Variants in OSMR observed in about 807,000 individuals in gnomAD.
OSMR encodes oncostatin M receptor.
A neutral mutation model predicts 99.9 loss-of-function variants in OSMR; 81 were observed. The observed-to-expected ratio is 0.81, with a 90% CI of 0.68 to 0.97. The LOEUF is 0.97. OSMR is among the 50% of genes least tolerant of loss of function. The pLI is 0.00. For synonymous variants in OSMR, 406 were observed against 410.4 expected, an observed-to-expected ratio of 0.99 and a Z score of 0.13; for missense variants, 1,099 against 1,153.4, an observed-to-expected ratio of 0.95 and a Z score of 0.68.
intron 9 of OSMR, among the ~76,000 whole-genome samples, chr5:38,907,152 A>G (rs1254893528): frequency 6.6e-6 from 1 of 152,200 alleles, no homozygotes; most frequent in Non-Finnish European, 1.5e-5. Context: ...TTAAGAGTGG[A>G]CACAGGGAGA....
chr5:38,906,646 G>T (rs1229785078), intron 9 of OSMR, among the ~76,000 whole-genome samples: 1 of 152,094 alleles, frequency 6.6e-6, no homozygotes, highest in Admixed American at 6.5e-5. Flanking sequence ...TTAGCAAATT[G>T]AAATCTGCTT....
intron 1 of OSMR, among the ~76,000 whole-genome samples, chr5:38,865,954 G>A (rs1741904271): frequency 6.6e-6 from 1 of 152,198 alleles, no homozygotes; most frequent in African/African-American, 2.4e-5. Flanking sequence ...GGTTCTGGTG[G>A]CAGTGATGAT....
chr5:38,854,812 G>A (rs1740715332), intron 1 of OSMR, among the ~76,000 whole-genome samples: 1 of 152,316 alleles, frequency 6.6e-6, no homozygotes, highest in African/African-American at 2.4e-5. Context: ...AAAAGAGAGA[G>A]AAATGAAGAA....
downstream of OSMR, chr5:38,940,130 T>TAAAAAAAAAAAAAA (rs1554057737): frequency 8.7e-5 from 7 of 80,458 alleles, no homozygotes; most frequent in African/African-American, 3.5e-4. Context: ...AAAGTAACAG[T>TAAAAAAAAAAAAAA]AAAAAAAAAA....
At chr5:38,924,270 C>T in intron 13 of OSMR, 152 bp from the exon 14 acceptor site, 1 of 1,494,194 alleles carries the variant, frequency 6.7e-7, no homozygotes, top group Non-Finnish European at 8.9e-7. Context: ...TGTCAAGGCA[C>T]AAATCCTCTA....
chr5:38,932,740 A>T, intron 17 of OSMR, 132 bp from the exon 18 acceptor site: 1 of 1,526,416 alleles, frequency 6.6e-7, no homozygotes, highest in South Asian at 1.3e-5. Context: ...CATCACCTCC[A>T]GGTTACTTGT....
chr5:38,875,456 C>T (rs1742741364), intron 2 of OSMR, among the ~76,000 whole-genome samples: 1 of 152,212 alleles, frequency 6.6e-6, no homozygotes, highest in Admixed American at 6.5e-5. Context: ...TGCAGTCAGC[C>T]TAAGAGATAG....
intron 11 of OSMR, among the ~76,000 whole-genome samples, chr5:38,920,631 C>A (rs1220754413): frequency 6.6e-6 from 1 of 152,112 alleles, no homozygotes; most frequent in Non-Finnish European, 1.5e-5. Flanking sequence ...TTTTGATGCC[C>A]TATAAAAATG....
At chr5:38,912,602 G>C (rs530008043) in intron 9 of OSMR, among the ~76,000 whole-genome samples, 1 of 152,088 alleles carries the variant, frequency 6.6e-6, no homozygotes, top group African/African-American at 2.4e-5. Flanking sequence ...AAACAAAAAA[G>C]AGCCTATATA....
Position 38,933,288 on chromosome 5 carries a change from C to T in OSMR, c.2784C>T (p.Asp928=). The change falls in exon 18 of 18, where the codon GAC becomes GAT. Residue 928 remains aspartate (D), a synonymous_variant. Transcript: ENST00000274276. The part of the protein sequence containing the change: ...VSQLASPMFG[D]KDSLPTNPVE... Reference sequence around the variant, plus strand: ...AGTTGGCTTCACCCATGTTTGGAGACAAGGACAGTCTCCCAACAAACCCAG... The same window carrying T: ...AGTTGGCTTCACCCATGTTTGGAGATAAGGACAGTCTCCCAACAAACCCAG... 1 of 1,614,192 alleles carries T rather than the reference C, an allele frequency of 6.2e-7. No individual in the cohort carries two copies. The highest frequency in any genetic ancestry group is 2.2e-5 in the East Asian group (1 of 44,888).
chr5:38,873,533 C>T (rs747910560), intron 2 of OSMR, among the ~76,000 whole-genome samples: 23 of 152,086 alleles, frequency 1.5e-4, no homozygotes, highest in South Asian at 1.0e-3. Flanking sequence ...TCACTCAGGC[C>T]GGAGTTAACT....
intron 7 of OSMR, among the ~76,000 whole-genome samples, chr5:38,897,884 G>A (rs544900072): frequency 8.5e-5 from 13 of 152,056 alleles, no homozygotes; most frequent in African/African-American, 2.9e-4. Flanking sequence ...GGAGCATATC[G>A]TTTAATTTCT....
chr5:38,913,876 G>A (rs1285783028), intron 9 of OSMR, among the ~76,000 whole-genome samples: 1 of 152,172 alleles, frequency 6.6e-6, no homozygotes, highest in Non-Finnish European at 1.5e-5. Context: ...AAAGGGGGAA[G>A]GTTAAGCTAC....
Position 38,933,071 on chromosome 5 carries a change from T to C in OSMR, c.2567T>C (p.Phe856Ser), listed in dbSNP as rs1746846458. The part of the protein sequence containing the change: ...NHSGPGPCIC[F>S]ENLTYNQAAS... ...TCTGGCCCTGGCCCCTGCATCTGTT[T>C]TGAGAACTTGACCTATAACCAGGCA... The change falls in exon 18 of 18, where the codon TTT becomes TCT. Residue 856 changes from phenylalanine to serine, a missense_variant. By Grantham distance (155) the Phe-to-Ser change is radical. Coordinates refer to ENST00000274276, the MANE Select transcript of OSMR (RefSeq NM_003999.3). 6.2e-7 allele frequency: 1 copy of C among 1,614,068 alleles called. No individual in the cohort carries two copies.
At chr5:38,941,013 A>G (rs1307156818) in intron 1 of OSMR, 1 of 232,772 alleles carries the variant, frequency 4.3e-6, no homozygotes, top group Non-Finnish European at 8.5e-6. Flanking sequence ...CAAAAAAGAT[A>G]ATCCTTTCAT....
At chr5:38,899,229 G>A (rs1744733747) in intron 7 of OSMR, among the ~76,000 whole-genome samples, 1 of 152,092 alleles carries the variant, frequency 6.6e-6, no homozygotes, top group Non-Finnish European at 1.5e-5. Flanking sequence ...AAGTTGCTAG[G>A]ATTACAGGTG....
At chr5:38,851,260 A>G (rs1386900239) in intron 1 of OSMR, among the ~76,000 whole-genome samples, 1 of 152,192 alleles carries the variant, frequency 6.6e-6, no homozygotes, top group African/African-American at 2.4e-5. Flanking sequence ...AAAGTGAGTT[A>G]TCTATAATTT....
Position 38,869,139 on chromosome 5 carries a change from A to T in OSMR, c.73+22A>T, listed in dbSNP as rs745405052. On this transcript the variant is annotated intron_variant, in intron 2 of 17. Transcript: ENST00000274276. ...GAAGGTAAGAAGTGGAAGGAACAGTAAAGACAAAAATCACGTCGGGAACAA... is the reference window on the plus strand; with the variant it reads ...GAAGGTAAGAAGTGGAAGGAACAGTTAAGACAAAAATCACGTCGGGAACAA... 1.4e-5 allele frequency: 21 copies of T among 1,537,232 alleles called. 1 individual carries two copies. The South Asian group carries it at 2.1e-4, about 16-fold the overall frequency.
In OSMR at chr5:38,924,611, A is replaced by T; in HGVS notation, c.2044+16A>T. On this transcript the variant is annotated intron_variant, in intron 14 of 17. Transcript: ENST00000274276. The stretch of plus-strand genomic sequence containing the variant: ...GTTCTTTCAGGTGACATCTATTTTT[A>T]ATTTGTTTATTTATTCTTTCAAGAT... 6.4e-7 allele frequency: 1 copy of T among 1,569,368 alleles called. No individual in the cohort carries two copies. Among genetic ancestry groups the T allele is most frequent in the Non-Finnish European group, 8.8e-7 (1 of 1,139,290 alleles).
Sources: gnomAD v4.1 joint callset for allele counts (sites outside exome capture counted in the v4.1 genomes callset) on GRCh38, gnomAD v4.1.1 for gene constraint, MANE v1.5 for transcripts, NCBI Gene and HGNC (gene_info 2026-07-23, HGNC 2026-07-21) for gene names.